The following DAB1 variants were observed in gnomAD, a reference collection of about 807,000 sequenced individuals.
DAB1 encodes disabled homolog 1.
A neutral mutation model predicts 64.6 loss-of-function variants in DAB1; 15 were observed. That is an observed-to-expected ratio of 0.23 (90% CI 0.16 to 0.36). The LOEUF is 0.36. Ranked by LOEUF, DAB1 falls within the 10% of genes least tolerant of loss-of-function variation. The pLI, the probability that DAB1 is intolerant of heterozygous loss-of-function variation, is 1.00. For missense variants in DAB1, 596 were observed against 706.7 expected (o/e 0.84, Z 1.78); for synonymous variants, 235 against 251.9 (o/e 0.93, Z 0.64).
intron 5 of DAB1, among the ~76,000 whole-genome samples, chr1:57,976,542 G>A (rs924815188): frequency 6.6e-6 from 1 of 152,098 alleles, no homozygotes; most frequent in Non-Finnish European, 1.5e-5. Context: ...TGCTTGGGAT[G>A]ATATCCAAAC....
At chr1:57,663,262 A>G (rs772155992) in intron 6 of DAB1, among the ~76,000 whole-genome samples, 2 of 152,194 alleles carry the variant, frequency 1.3e-5, no homozygotes, top group Non-Finnish European at 2.9e-5. Context: ...TCATGAGAAC[A>G]GTGAGGGGGA....
intron 1 of DAB1, among the ~76,000 whole-genome samples, chr1:57,830,948 C>G (rs1208572907): frequency 1.3e-5 from 2 of 152,254 alleles, no homozygotes; most frequent in East Asian, 3.9e-4. Context: ...GAGTCTCGCT[C>G]TGTTGCCCAG....
At position 57,033,560 on chromosome 1, in the gene DAB1, A is replaced by G. The variant is rs556974571; in HGVS notation, c.724-7517T>C. On this transcript the variant is annotated intron_variant, in intron 9 of 14. Transcript: ENST00000371236. ...AGCAAACCGTTCTTCAAAATCCTCAAACGAATAGCCATTCTGAAAGTGGAA... is the reference window on the plus strand; with the variant it reads ...AGCAAACCGTTCTTCAAAATCCTCAGACGAATAGCCATTCTGAAAGTGGAA... 146 of 1,612,606 alleles carry G rather than the reference A, an allele frequency of 9.1e-5. No homozygotes were observed. In the African/African-American group the frequency reaches 1.7e-3, roughly 18 times the overall value.
At chr1:57,245,550 T>C (rs1363150815) in intron 2 of DAB1, among the ~76,000 whole-genome samples, 1 of 152,162 alleles carries the variant, frequency 6.6e-6, no homozygotes, top group Non-Finnish European at 1.5e-5. Context: ...TCTGCCCTTG[T>C]GATAGTTTGC....
intron 9 of DAB1, among the ~76,000 whole-genome samples, chr1:57,042,285 T>G (rs1413217623): frequency 6.6e-6 from 1 of 152,246 alleles, no homozygotes; most frequent in Non-Finnish European, 1.5e-5. Flanking sequence ...TGAAAATAGT[T>G]TGTGTGTGTC....
chr1:58,272,796 T>C (rs1408612640), intron 4 of DAB1, among the ~76,000 whole-genome samples: 1 of 151,782 alleles, frequency 6.6e-6, no homozygotes, highest in South Asian at 2.1e-4. Context: ...TCTTTGTTGG[T>C]TTAAAGTCTG....
At chr1:58,408,490 C>G (rs1644637982) in intron 3 of DAB1, among the ~76,000 whole-genome samples, 1 of 152,164 alleles carries the variant, frequency 6.6e-6, no homozygotes, top group African/African-American at 2.4e-5. Context: ...CAAGGATTCT[C>G]CAGTGTTCAT....
intron 4 of DAB1, among the ~76,000 whole-genome samples, chr1:58,318,299 G>A (rs10493241): frequency 0.14 from 20,739 of 152,228 alleles, 1,592 homozygotes; most frequent in South Asian, 0.28. Flanking sequence ...GGCATCACTT[G>A]TATGTCTTTG....
chr1:57,773,727 T>A (rs1263510384), intron 6 of DAB1, among the ~76,000 whole-genome samples: 1 of 152,018 alleles, frequency 6.6e-6, no homozygotes, highest in Non-Finnish European at 1.5e-5. Flanking sequence ...CATATAAATA[T>A]CCAGCAATTC....
intron 6 of DAB1, among the ~76,000 whole-genome samples, chr1:57,728,177 A>G (rs920886784): frequency 6.6e-6 from 1 of 152,254 alleles, no homozygotes; most frequent in African/African-American, 2.4e-5. Context: ...AAGAGATTGT[A>G]TCAGAAGAGA....
chr1:58,185,491 T>C (rs1657025123), intron 4 of DAB1, among the ~76,000 whole-genome samples: 1 of 152,246 alleles, frequency 6.6e-6, no homozygotes, highest in South Asian at 2.1e-4. Flanking sequence ...AAGGCTTTCC[T>C]GATTGGACAT....
At chr1:57,536,840 T>C (rs7526129) in intron 7 of DAB1, among the ~76,000 whole-genome samples, 61,230 of 151,864 alleles carry the variant, frequency 0.4, 14,250 homozygotes, top group Non-Finnish European at 0.53. Flanking sequence ...TCTGTTCCCA[T>C]GGTTCCCATA....
chr1:57,718,380 T>G (rs1647110333), intron 6 of DAB1, among the ~76,000 whole-genome samples: 1 of 152,134 alleles, frequency 6.6e-6, no homozygotes, highest in Non-Finnish European at 1.5e-5. Context: ...ATGGATGATG[T>G]GATGCTGAAC....
intron 7 of DAB1, among the ~76,000 whole-genome samples, chr1:57,583,909 C>T (rs1027473299): frequency 6.6e-6 from 1 of 152,128 alleles, no homozygotes. Flanking sequence ...GCCATTGCGG[C>T]CTTAGGGCTA....
chr1:58,208,405 A>C (rs961420999), intron 4 of DAB1, among the ~76,000 whole-genome samples: 8 of 152,154 alleles, frequency 5.3e-5, no homozygotes, highest in African/African-American at 1.4e-4. Context: ...TGAGCAGTGT[A>C]CACTGTACTC....
At chr1:57,194,616 G>A (rs1054646262) in intron 2 of DAB1, among the ~76,000 whole-genome samples, 4 of 152,122 alleles carry the variant, frequency 2.6e-5, no homozygotes, top group African/African-American at 9.7e-5. Context: ...AACACCTGAG[G>A]TGTATAAAAT....
intron 3 of DAB1, among the ~76,000 whole-genome samples, chr1:58,405,257 C>G (rs1271861984): frequency 6.6e-6 from 1 of 152,210 alleles, no homozygotes; most frequent in Non-Finnish European, 1.5e-5. Flanking sequence ...GATGTCACCC[C>G]TCAAAGACGC....
intron 7 of DAB1, among the ~76,000 whole-genome samples, chr1:57,441,332 CTTCT>C (rs57153893): frequency 1.2e-4 from 8 of 69,342 alleles, no homozygotes; most frequent in East Asian, 1.4e-3. Flanking sequence ...TTTCCTCCTT[CTTCT>C]TTCTTTCTTT....
chr1:57,263,998 C>G (rs1670393570), intron 2 of DAB1, among the ~76,000 whole-genome samples: 1 of 152,134 alleles, frequency 6.6e-6, no homozygotes, highest in Admixed American at 6.6e-5. Context: ...CTGGAGCCCT[C>G]CTGGTATGGA....
Sources: gnomAD v4.1 joint callset for allele counts (sites outside exome capture counted in the v4.1 genomes callset) on GRCh38, gnomAD v4.1.1 for gene constraint, MANE v1.5 for transcripts, NCBI Gene and HGNC (gene_info 2026-07-23, HGNC 2026-07-21) for gene names.